CA5B: variants seen among roughly 807,000 people sequenced by gnomAD.
CA5B encodes the protein carbonic anhydrase 5B, also known as carbonic anhydrase 5B, mitochondrial.
Under a neutral mutation model 23.1 loss-of-function variants are expected in CA5B, and 15 were observed. The ratio of observed to expected loss-of-function variants is 0.65; its 90% CI spans 0.43 to 1.00. The LOEUF (loss-of-function observed/expected upper bound fraction) is 1.00. Ranked by LOEUF, CA5B falls within the 50% of genes least tolerant of loss-of-function variation. The pLI is 0.00. For synonymous variants in CA5B, 84 were observed against 98.5 expected, an observed-to-expected ratio of 0.85 and a Z score of 0.87; for missense variants, 236 against 252.2, an observed-to-expected ratio of 0.94 and a Z score of 0.43.
At chrX:15,750,306 A>T (rs1931331226) in intron 2 of CA5B, 141 bp downstream of exon 2, 1 of 473,785 alleles carries the variant, frequency 2.1e-6, no homozygotes, top group Non-Finnish European at 3.5e-6. Flanking sequence ...TATAATAATC[A>T]CACATGTTAA....
intron 3 of CA5B, among the ~76,000 whole-genome samples, chrX:15,771,898 C>G (rs1253112342): frequency 9.1e-6 from 1 of 110,456 alleles, no homozygotes; most frequent in Non-Finnish European, 1.9e-5. Context: ...TCTACTGTTA[C>G]TCTTTTAGTA....
chrX:15,747,737 A>G (rs1041405851), intron 1 of CA5B, among the ~76,000 whole-genome samples: 11 of 111,770 alleles, frequency 9.8e-5, no homozygotes, highest in African/African-American at 3.6e-4. Context: ...AAGTCTGCTC[A>G]GTTAATTCAG....
chrX:15,750,378 A>G (rs1219363225), intron 2 of CA5B: 4 of 321,093 alleles, frequency 1.2e-5, no homozygotes, highest in Non-Finnish European at 2.2e-5. Context: ...ATGAACTGTG[A>G]GAATAACTGT....
chrX:15,783,941 G>T lies in CA5B; in HGVS notation c.*1277G>T, dbSNP rs1313594143. 7.9e-5 allele frequency: 7 copies of T among 88,646 alleles called. No individual in the cohort carries two copies. The highest frequency in any genetic ancestry group is 3.1e-4 in the African/African-American group (7 of 22,742). The allele number at this position is 88,646 out of a possible 1,213,427, so 7.3% of individuals were successfully genotyped here. ...CTCGCTCTGTCCCCCAGGCTGGAGT[G>T]CAGTGGCACTATCTTGGCTCACTGC... On this transcript the variant is annotated 3_prime_UTR_variant, in exon 8 of 8. Coordinates refer to ENST00000318636, the MANE Select transcript of CA5B (RefSeq NM_007220.4).
chrX:15,752,174 C>G (rs181473139), intron 2 of CA5B, among the ~76,000 whole-genome samples: 2 of 108,850 alleles, frequency 1.8e-5, no homozygotes, highest in African/African-American at 6.9e-5. Context: ...ATTGTGAGGA[C>G]GAAACTCTGA....
intron 2 of CA5B, among the ~76,000 whole-genome samples, chrX:15,754,380 C>G (rs1227625241): frequency 8.9e-6 from 1 of 112,368 alleles, no homozygotes; most frequent in Non-Finnish European, 1.9e-5. Flanking sequence ...TAAGAGGAGG[C>G]AAAGCAAAAT....
chrX:15,741,517 T>C (rs761192966), intron 1 of CA5B, among the ~76,000 whole-genome samples: 1 of 109,775 alleles, frequency 9.1e-6, no homozygotes, highest in South Asian at 4.0e-4. Flanking sequence ...TCTTGCTGTG[T>C]CGCCCAGGCT....
chrX:15,761,721 C>CGG (rs199792369), intron 2 of CA5B, among the ~76,000 whole-genome samples: 5 of 110,838 alleles, frequency 4.5e-5, no homozygotes, highest in Non-Finnish European at 7.6e-5. Context: ...TTTGTCTTGT[C>CGG]GGGGGGAGCC....
Position 15,776,830 on chromosome X carries a change from G to C in CA5B, c.735G>C (p.Trp245Cys), listed in dbSNP as rs370927874. The C allele has an allele frequency of 9.1e-6, 11 of 1,208,280 alleles. No individual in the cohort carries two copies. The South Asian group carries it at 1.1e-4, about 12-fold the overall frequency. ...CACCCCTCTCCGAGTCTGTCACCTG[G>C]ATCATTAAGAAGCAACCAGTAGAGG... ...TTPPLSESVT[W>C]IIKKQPVEVD... Residue 245 changes from tryptophan to cysteine, a missense_variant, in exon 7 of 8, where the codon TGG (tryptophan) becomes TGC (cysteine). By Grantham distance (215) the Trp-to-Cys change is radical (BLOSUM62 -2). Transcript: ENST00000318636.
chrX:15,762,524 C>T lies in CA5B; in HGVS notation c.143-2054C>T, dbSNP rs191512457. Among the ~76,000 whole-genome samples, 21 of 108,619 alleles carry T rather than the reference C, an allele frequency of 1.9e-4. No individual in the cohort carries two copies. In the East Asian group the frequency reaches 5.6e-3, roughly 29 times the overall value. The allele number at this position is 108,619 out of a possible 115,157, so 94.3% of individuals were successfully genotyped here. A position where few individuals can be genotyped will look rare whatever the true frequency, so the allele number is the denominator to read the frequency against. ...TGGCGCAATCTCGGCTCACTACAAT[C>T]GCCATCTCCCGGGTTCAAGCGATTT... On this transcript the variant is annotated intron_variant, in intron 2 of 7. Coordinates refer to ENST00000318636, the MANE Select transcript of CA5B (RefSeq NM_007220.4).
rs770762393 is a variant in CA5B, at chrX:15,749,528, G to A, written c.-53-443G>A. On this transcript the variant is annotated intron_variant, in intron 1 of 7. Transcript: ENST00000318636. ...TTTGTTTTTTTGTTGTTGTTGTTTT[G>A]TATGCAATCTAGATGCAGATGTTTG... Among the ~76,000 whole-genome samples, 20 of 111,334 alleles carry A rather than the reference G, an allele frequency of 1.8e-4. No individual in the cohort carries two copies. In the East Asian group the frequency reaches 3.4e-3, roughly 19 times the overall value.
chrX:15,765,216 C>A, intron 3 of CA5B: 1 of 139,667 alleles, frequency 7.2e-6, no homozygotes, highest in Non-Finnish European at 1.3e-5. Context: ...AAAGGATATT[C>A]ATGTGTGCAT....
rs991898505 is a variant in CA5B at position 15,774,974 on chromosome X, T to C, written c.556-272T>C. ...TTCTGGAACCATTTTTCATTTTATT[T>C]AATTTTAATTTCAATTTAAGAACTT... On this transcript the variant is annotated intron_variant, in intron 5 of 7. Transcript: ENST00000318636. Among the ~76,000 whole-genome samples, 3 of 113,221 alleles carry C rather than the reference T, an allele frequency of 2.6e-5. No homozygotes were observed. The South Asian group carries it at 1.1e-3, about 40-fold the overall frequency.
At chrX:15,773,920 A>G (rs1436771751) in intron 4 of CA5B, among the ~76,000 whole-genome samples, 1 of 111,847 alleles carries the variant, frequency 8.9e-6, no homozygotes, top group East Asian at 2.8e-4. Flanking sequence ...CATAATTTCC[A>G]TATGGAGGAT....
intron 2 of CA5B, among the ~76,000 whole-genome samples, chrX:15,752,179 C>T (rs1601780805): frequency 9.2e-6 from 1 of 109,034 alleles, no homozygotes; most frequent in African/African-American, 3.5e-5. Context: ...GAGGACGAAA[C>T]TCTGATTTTT....
intron 3 of CA5B, among the ~76,000 whole-genome samples, chrX:15,766,527 T>C (rs1304860137): frequency 1.8e-5 from 2 of 112,033 alleles, no homozygotes; most frequent in Admixed American, 1.9e-4. Flanking sequence ...ATCTTTCTTT[T>C]CCCCCCTTTT....
Position 15,776,882 on chromosome X carries a change from C to A in CA5B, c.774+13C>A, listed in dbSNP as rs184076741. 5,871 of 1,190,372 alleles carry A rather than the reference C, an allele frequency of 4.9e-3. 16 individuals are homozygous for A. Among genetic ancestry groups the A allele is most frequent in the Non-Finnish European group, 5.9e-3 (5,162 of 879,355 alleles). ...TGATCATGATCAGGTATGTTCTCTC[C>A]ATAATTTCAATCTAAGGAAATCCTT... On this transcript the variant is annotated intron_variant, in intron 7 of 7. Transcript: ENST00000318636.
At chrX:15,743,169 C>T (rs750792279) in intron 1 of CA5B, among the ~76,000 whole-genome samples, 5 of 112,676 alleles carry the variant, frequency 4.4e-5, no homozygotes, top group African/African-American at 6.4e-5. Context: ...GATCTTTGCC[C>T]AGGCAGTTCC....
At chrX:15,757,306 C>T (rs1055570305) in intron 2 of CA5B, among the ~76,000 whole-genome samples, 2 of 111,630 alleles carry the variant, frequency 1.8e-5, no homozygotes, top group African/African-American at 3.3e-5. Context: ...GTCAAGAGAT[C>T]GAGACCATCC....
Sources: gnomAD v4.1 joint callset for allele counts (sites outside exome capture counted in the v4.1 genomes callset) on GRCh38, gnomAD v4.1.1 for gene constraint, MANE v1.5 for transcripts, NCBI Gene and HGNC (gene_info 2026-07-23, HGNC 2026-07-21) for gene names.